SLC4A4: variants seen among roughly 807,000 people sequenced by gnomAD.
SLC4A4 encodes electrogenic sodium bicarbonate cotransporter 1.
In SLC4A4, 27 loss-of-function variants were observed where a neutral mutation model predicts 111.5. The ratio of observed to expected loss-of-function variants is 0.24; its 90% CI spans 0.18 to 0.33. The LOEUF is 0.33. SLC4A4 is among the 10% of genes least tolerant of loss of function. The pLI is 1.00. For synonymous variants in SLC4A4, 443 were observed against 463.4 expected (o/e 0.96, Z 0.57); for missense variants, 909 against 1,315.5 (o/e 0.69, Z 4.78).
intron 1 of SLC4A4, among the ~76,000 whole-genome samples, chr4:71,064,430 G>C (rs1741463093): frequency 6.6e-6 from 1 of 152,178 alleles, no homozygotes; most frequent in Non-Finnish European, 1.5e-5. Context: ...TCATGCCTTT[G>C]AAGGGGAATA....
chr4:71,458,960 G>A (rs938775649), intron 12 of SLC4A4, among the ~76,000 whole-genome samples: 3 of 152,020 alleles, frequency 2.0e-5, no homozygotes, highest in Admixed American at 2.0e-4. Context: ...ATTGTCTGTT[G>A]GAATGACACA....
chr4:71,085,256 G>GT (rs575573125), intron 1 of SLC4A4, among the ~76,000 whole-genome samples: 6 of 151,982 alleles, frequency 3.9e-5, no homozygotes, highest in South Asian at 2.1e-4. Context: ...GGGTTTGTTT[G>GT]TTTTTTTCTT....
chr4:71,226,247 C>T (rs1407766247), intron 1 of SLC4A4, among the ~76,000 whole-genome samples: 1 of 152,214 alleles, frequency 6.6e-6, no homozygotes, highest in Non-Finnish European at 1.5e-5. Context: ...TGGGCTCAAG[C>T]AGTCTTCCCA....
chr4:71,417,926 T>C (rs1202709831), intron 7 of SLC4A4, among the ~76,000 whole-genome samples: 1 of 152,166 alleles, frequency 6.6e-6, no homozygotes, highest in Non-Finnish European at 1.5e-5. Context: ...CCTTTACGCT[T>C]TTGAGACTTA....
intron 3 of SLC4A4, among the ~76,000 whole-genome samples, chr4:71,334,665 C>T (rs1728289517): frequency 6.6e-6 from 1 of 152,096 alleles, no homozygotes; most frequent in African/African-American, 2.4e-5. Flanking sequence ...GCTCAGGTGC[C>T]TATATGTAAT....
chr4:71,274,303 G>A (rs1367451188), intron 3 of SLC4A4, among the ~76,000 whole-genome samples: 11 of 152,066 alleles, frequency 7.2e-5, no homozygotes, highest in Non-Finnish European at 1.5e-4. Context: ...GAAGAAGAGC[G>A]GATGGTCTTG....
intron 5 of SLC4A4, among the ~76,000 whole-genome samples, chr4:71,352,324 C>A (rs1303594439): frequency 3.3e-5 from 5 of 152,038 alleles, no homozygotes; most frequent in Admixed American, 6.5e-5. Context: ...TATAGGCAGT[C>A]TAGGAGGAGA....
Position 71,568,110 on chromosome 4 carries a change from C to T in SLC4A4, c.*359C>T. On this transcript the variant is annotated 3_prime_UTR_variant, in exon 26 of 26. Transcript: ENST00000264485. ...GAGGAATCCCCCTTTTGTTCTTAAA[C>T]TTTCAGATGTGTCCTTTGATAACCA... 1 of 437,032 alleles carries T rather than the reference C, an allele frequency of 2.3e-6. No homozygotes were observed. Among genetic ancestry groups the T allele is most frequent in the Non-Finnish European group, 4.1e-6 (1 of 246,646 alleles). 27.1% of individuals were successfully genotyped at this position (437,032 alleles called of 1,614,324 possible).
chr4:71,349,837 G>T, intron 4 of SLC4A4, 75 bp from the exon 5 acceptor site: 1 of 1,377,578 alleles, frequency 7.3e-7, no homozygotes, highest in South Asian at 1.2e-5. Context: ...GGGTGAAGAT[G>T]GAGGGGTTGA....
intron 3 of SLC4A4, among the ~76,000 whole-genome samples, chr4:71,313,628 G>A (rs1030288337): frequency 6.6e-6 from 1 of 152,120 alleles, no homozygotes; most frequent in Admixed American, 6.6e-5. Context: ...CGTATCTACA[G>A]CCATCTGATC....
At chr4:71,247,798 G>A (rs143223754) in intron 2 of SLC4A4, among the ~76,000 whole-genome samples, 2 of 152,182 alleles carry the variant, frequency 1.3e-5, no homozygotes, top group Non-Finnish European at 2.9e-5. Context: ...TCTGGGTGTC[G>A]GGATAAGTGG....
intron 3 of SLC4A4, among the ~76,000 whole-genome samples, chr4:71,260,628 A>G (rs1029343283): frequency 2.0e-5 from 3 of 152,346 alleles, no homozygotes; most frequent in Admixed American, 6.5e-5. Flanking sequence ...AAAATGTTTT[A>G]AAACTTACAG....
intron 6 of SLC4A4, among the ~76,000 whole-genome samples, chr4:71,365,344 G>C (rs1178025064): frequency 1.3e-5 from 2 of 152,094 alleles, no homozygotes; most frequent in African/African-American, 4.8e-5. Flanking sequence ...CCTTAATAGA[G>C]CCACGCTTGC....
At chr4:71,505,645 G>C (rs544029115) in intron 16 of SLC4A4, among the ~76,000 whole-genome samples, 3 of 152,058 alleles carry the variant, frequency 2.0e-5, no homozygotes, top group African/African-American at 7.2e-5. Context: ...TAGGTTGTCT[G>C]TTTACAATGA....
At chr4:71,422,758 G>A (rs1722677507) in intron 7 of SLC4A4, among the ~76,000 whole-genome samples, 1 of 152,074 alleles carries the variant, frequency 6.6e-6, no homozygotes, top group Non-Finnish European at 1.5e-5. Context: ...CTCAATAGAT[G>A]CAGAAAAGGC....
intron 5 of SLC4A4, among the ~76,000 whole-genome samples, chr4:71,356,231 T>C (rs949876511): frequency 6.6e-6 from 1 of 152,194 alleles, no homozygotes; most frequent in Non-Finnish European, 1.5e-5. Flanking sequence ...GAGTGACCTA[T>C]GAGCAATTTC....
At chr4:71,239,368 A>T (rs1720033056) in intron 2 of SLC4A4, among the ~76,000 whole-genome samples, 1 of 152,172 alleles carries the variant, frequency 6.6e-6, no homozygotes, top group East Asian at 1.9e-4. Context: ...ACTTTGAAAT[A>T]TTTGTGCTTT....
At chr4:71,230,487 T>A (rs1226975210) in intron 1 of SLC4A4, among the ~76,000 whole-genome samples, 1 of 152,182 alleles carries the variant, frequency 6.6e-6, no homozygotes, top group East Asian at 1.9e-4. Flanking sequence ...GAAAGCTGTG[T>A]GAAGTGAGAG....
chr4:71,123,175 G>A (rs1015970929), intron 2 of SLC4A4, among the ~76,000 whole-genome samples: 3 of 152,142 alleles, frequency 2.0e-5, no homozygotes, highest in Non-Finnish European at 4.4e-5. Context: ...ACTAAAAGGT[G>A]TTCCAGGAAG....
Sources: gnomAD v4.1 joint callset for allele counts (sites outside exome capture counted in the v4.1 genomes callset) on GRCh38, gnomAD v4.1.1 for gene constraint, MANE v1.5 for transcripts, NCBI Gene and HGNC (gene_info 2026-07-23, HGNC 2026-07-21) for gene names.